Variants in NREP observed in about 807,000 individuals in gnomAD.
NREP encodes neuronal regeneration related protein.
In NREP, 5 loss-of-function variants were observed where a neutral mutation model predicts 8.6. The observed-to-expected ratio is 0.58, with a 90% CI of 0.30 to 1.22. The LOEUF is 1.22. Ranked by LOEUF, NREP falls within the 50% of genes most tolerant of loss-of-function variation. NREP has a pLI of 0.07. For synonymous variants in NREP, 27 were observed against 28.0 expected (o/e 0.96, Z 0.11); for missense variants, 86 against 82.5 (o/e 1.04, Z -0.17).
intron 2 of NREP, among the ~76,000 whole-genome samples, chr5:111,876,483 G>C (rs926098751): frequency 6.6e-6 from 1 of 152,120 alleles, no homozygotes; most frequent in Non-Finnish European, 1.5e-5. Context: ...AAGCACTTCA[G>C]GGGGCAAGCC....
At chr5:111,885,752 G>T (rs568911706) in intron 2 of NREP, among the ~76,000 whole-genome samples, 1 of 152,168 alleles carries the variant, frequency 6.6e-6, no homozygotes, top group Non-Finnish European at 1.5e-5. Flanking sequence ...ATGGTGCTGG[G>T]AAAACTGGCT....
At chr5:111,954,672 C>G (rs1335514256) in intron 2 of NREP, among the ~76,000 whole-genome samples, 1 of 151,984 alleles carries the variant, frequency 6.6e-6, no homozygotes, top group South Asian at 2.1e-4. Flanking sequence ...GGGTAGGGAA[C>G]AGAGATACAA....
chr5:111,783,201 C>G (rs1347198978), intron 2 of NREP, among the ~76,000 whole-genome samples: 1 of 152,166 alleles, frequency 6.6e-6, no homozygotes, highest in African/African-American at 2.4e-5. Flanking sequence ...AATCCCTATG[C>G]AGATTCTTGT....
chr5:111,886,806 A>C (rs566566793), intron 2 of NREP, among the ~76,000 whole-genome samples: 6 of 141,312 alleles, frequency 4.2e-5, no homozygotes, highest in African/African-American at 7.9e-5. Flanking sequence ...GGAACATCAC[A>C]CTCTGGGGAC....
intron 2 of NREP, among the ~76,000 whole-genome samples, chr5:111,931,139 T>C (rs1755525829): frequency 6.6e-6 from 1 of 152,056 alleles, no homozygotes; most frequent in Non-Finnish European, 1.5e-5. Flanking sequence ...TATTTAAACC[T>C]TCTGTGGTGG....
chr5:111,758,299 C>T, upstream of NREP: 1 of 975,408 alleles, frequency 1.0e-6, no homozygotes, highest in Non-Finnish European at 1.2e-6. Flanking sequence ...AGACATACTC[C>T]CCTGGTGCTT....
At chr5:111,833,645 A>G (rs543257768) in intron 2 of NREP, among the ~76,000 whole-genome samples, 20 of 152,238 alleles carry the variant, frequency 1.3e-4, no homozygotes, top group Admixed American at 1.1e-3. Flanking sequence ...GCCTCATCCT[A>G]TTGTTTGAAG....
At chr5:111,950,340 C>T (rs1176563993) in intron 2 of NREP, among the ~76,000 whole-genome samples, 1 of 151,986 alleles carries the variant, frequency 6.6e-6, no homozygotes, top group African/African-American at 2.4e-5. Flanking sequence ...AACTAGCTAG[C>T]CATATACAGA....
chr5:111,954,827 A>G (rs1756263612), intron 2 of NREP, among the ~76,000 whole-genome samples: 1 of 152,204 alleles, frequency 6.6e-6, no homozygotes, highest in Admixed American at 6.5e-5. Flanking sequence ...ACAGTTTATT[A>G]AAAGTCTTTC....
chr5:111,871,505 T>A (rs1753790280), intron 2 of NREP, among the ~76,000 whole-genome samples: 1 of 152,192 alleles, frequency 6.6e-6, no homozygotes, highest in Non-Finnish European at 1.5e-5. Context: ...ATATATTTTT[T>A]AAAATAGTTT....
intron 2 of NREP, among the ~76,000 whole-genome samples, chr5:111,972,444 T>C (rs1318265363): frequency 1.3e-5 from 2 of 152,250 alleles, no homozygotes; most frequent in African/African-American, 4.8e-5. Flanking sequence ...CTAAACTCTT[T>C]GAAGAATCAT....
intron 2 of NREP, among the ~76,000 whole-genome samples, chr5:111,782,684 T>C (rs1157166244): frequency 6.6e-6 from 1 of 151,868 alleles, no homozygotes; most frequent in South Asian, 2.1e-4. Flanking sequence ...ACACAATAAG[T>C]AGAAAACTCA....
chr5:111,740,945 G>C (rs993826482), intron 2 of NREP, among the ~76,000 whole-genome samples: 3 of 152,134 alleles, frequency 2.0e-5, no homozygotes, highest in Non-Finnish European at 4.4e-5. Flanking sequence ...TTAAAGGCAG[G>C]ATTATATCTT....
chr5:111,893,018 T>C (rs1045232482), intron 2 of NREP, among the ~76,000 whole-genome samples: 19 of 152,246 alleles, frequency 1.2e-4, no homozygotes, highest in African/African-American at 3.9e-4. Context: ...ATGTTTGCCA[T>C]TGACATACCC....
chr5:111,734,062 C>T (rs1748872700), intron 3 of NREP: 1 of 152,198 alleles, frequency 6.6e-6, no homozygotes, highest in South Asian at 2.1e-4. Flanking sequence ...GTGCCCACCC[C>T]TGGGAGCATG....
intron 2 of NREP, among the ~76,000 whole-genome samples, chr5:111,783,107 G>C (rs1318095941): frequency 2.0e-5 from 3 of 152,084 alleles, no homozygotes; most frequent in Non-Finnish European, 2.9e-5. Context: ...TTGTTCCACA[G>C]TATCAGAAAG....
At chr5:111,752,807 A>G (rs1403165318) in intron 2 of NREP, among the ~76,000 whole-genome samples, 1 of 152,234 alleles carries the variant, frequency 6.6e-6, no homozygotes, top group Non-Finnish European at 1.5e-5. Context: ...TTCACTGTGT[A>G]GAAGGCAATC....
chr5:111,816,603 T>C (rs924912372), intron 2 of NREP, among the ~76,000 whole-genome samples: 5 of 151,764 alleles, frequency 3.3e-5, no homozygotes, highest in Non-Finnish European at 5.9e-5. Flanking sequence ...ATACCTAGGG[T>C]AGACTAAGGA....
chr5:111,890,977 C>T (rs12516031), intron 2 of NREP, among the ~76,000 whole-genome samples: 91,352 of 152,138 alleles, frequency 0.6, 27,864 homozygotes, highest in Non-Finnish European at 0.65. Flanking sequence ...AGCAGCCTGC[C>T]TGAATTCTTC....
Sources: gnomAD v4.1 joint callset for allele counts (sites outside exome capture counted in the v4.1 genomes callset) on GRCh38, gnomAD v4.1.1 for gene constraint, MANE v1.5 for transcripts, NCBI Gene and HGNC (gene_info 2026-07-23, HGNC 2026-07-21) for gene names.